The following ADGRL2 variants were observed in gnomAD, a reference collection of about 807,000 sequenced individuals.
The protein encoded by ADGRL2 is calcium-independent alpha-latrotoxin receptor 2.
Under a neutral mutation model 157.4 loss-of-function variants are expected in ADGRL2, and 44 were observed. The ratio of observed to expected loss-of-function variants is 0.28; its 90% CI spans 0.22 to 0.36. The LOEUF (loss-of-function observed/expected upper bound fraction) is 0.36, where lower values mean the gene tolerates loss of function less well. ADGRL2 is among the 10% of genes least tolerant of loss of function. The pLI, the probability that ADGRL2 is intolerant of heterozygous loss-of-function variation, is 1.00. For missense variants in ADGRL2, 1,510 were observed against 1,768.9 expected, an observed-to-expected ratio of 0.85 and a Z score of 2.63; for synonymous variants, 585 against 624.7, an observed-to-expected ratio of 0.94 and a Z score of 0.95.
At chr1:81,616,669 C>CTT (rs1304177259) in intron 3 of ADGRL2, among the ~76,000 whole-genome samples, 1 of 103,780 alleles carries the variant, frequency 9.6e-6, no homozygotes, top group Admixed American at 1.0e-4. Flanking sequence ...CTTTTCTTTT[C>CTT]TTTTCTTTTC....
chr1:81,580,942 T>C (rs2080895086), exon 3 of ADGRL2: 1 of 152,192 alleles, frequency 6.6e-6, no homozygotes, highest in Non-Finnish European at 1.5e-5. Context: ...GTCCTTATGC[T>C]TTACAAAACA....
intron 2 of ADGRL2, among the ~76,000 whole-genome samples, chr1:81,866,062 C>T (rs2093534402): frequency 2.0e-5 from 3 of 152,184 alleles, no homozygotes; most frequent in Admixed American, 1.3e-4. Flanking sequence ...ATCGAACCTT[C>T]CTTTCTCAAG....
In ADGRL2 at chr1:81,943,242, A is replaced by G; in HGVS notation, c.683A>G (p.Glu228Gly). The G allele has an allele frequency of 6.2e-7, 1 of 1,613,658 alleles. No homozygotes were observed. The highest frequency in any genetic ancestry group is 8.5e-7 in the Non-Finnish European group (1 of 1,179,686). Residue 228 changes from glutamate to glycine, a missense_variant, in exon 6 of 24, where the codon GAA becomes GGA. By Grantham distance (98) the Glu-to-Gly change is moderately conservative. Coordinates refer to ENST00000686636, the MANE Select transcript of ADGRL2 (RefSeq NM_001366006.2). This position sits in a 1 kb window ranked among gnomAD's most constrained non-coding sequence, Gnocchi z 5.6. ...GATGGTGCTGTCTTCTTTAACAAAGAAAGAACGAGGAATATTGTGAAATTT... is the reference window on the plus strand; with the variant it reads ...GATGGTGCTGTCTTCTTTAACAAAGGAAGAACGAGGAATATTGTGAAATTT... ...VYDGAVFFNK[E>G]RTRNIVKFDL...
intron 2 of ADGRL2, among the ~76,000 whole-genome samples, chr1:81,896,003 GAATA>G (rs1440404676): frequency 1.3e-5 from 2 of 152,006 alleles, no homozygotes; most frequent in Non-Finnish European, 2.9e-5. Context: ...TTATTTTTAA[GAATA>G]AATACATACT....
At position 81,420,002 on chromosome 1, in the gene ADGRL2, T is replaced by C. The variant is rs183662449; in HGVS notation, c.-301-25034T>C. 7.2e-3 allele frequency among the ~76,000 whole-genome samples: 1,095 copies of C among 152,334 alleles called. 25 individuals are homozygous for C. Among genetic ancestry groups the C allele is most frequent in the Admixed American group, 0.042 (645 of 15,300 alleles). On this transcript the variant is annotated intron_variant, in intron 1 of 24. Coordinates refer to the ADGRL2 transcript ENST00000370721. ...TTGTTGTCCAGCAAGCTTGTAATTG[T>C]AATGAAAGTTGATAATCTTTCTTTT... is the stretch of plus-strand genomic sequence containing the variant.
intron 2 of ADGRL2, among the ~76,000 whole-genome samples, chr1:81,904,659 C>T (rs1226106600): frequency 1.3e-5 from 2 of 152,176 alleles, no homozygotes; most frequent in Admixed American, 6.5e-5. Context: ...CCTGTAACCA[C>T]AGCACTTTGG....
chr1:81,610,799 G>A lies in ADGRL2; in HGVS notation c.-143+29819G>A, dbSNP rs577215158. 2.6e-5 allele frequency among the ~76,000 whole-genome samples: 4 copies of A among 152,262 alleles called. No homozygotes were observed. The South Asian group carries it at 6.2e-4, about 24-fold the overall frequency. ...CATAGAGCCAATAGAACTTAGAGAT[G>A]AAAAGAAATTAGGAGGCAGAATGAA... On this transcript the variant is annotated intron_variant, in intron 3 of 24. Coordinates refer to the ADGRL2 transcript ENST00000370721.
At chr1:81,765,042 T>C (rs2086065197) in intron 2 of ADGRL2, among the ~76,000 whole-genome samples, 2 of 151,994 alleles carry the variant, frequency 1.3e-5, no homozygotes, top group African/African-American at 4.8e-5. Flanking sequence ...TAATATTCCT[T>C]CTATATTACT....
chr1:81,491,983 A>C (rs2078642605), intron 2 of ADGRL2, among the ~76,000 whole-genome samples: 2 of 152,222 alleles, frequency 1.3e-5, no homozygotes, highest in South Asian at 4.1e-4. Context: ...ACAAAGAATG[A>C]AACTGAGTCT....
At chr1:81,622,110 A>G (rs2081804970) in intron 3 of ADGRL2, among the ~76,000 whole-genome samples, 1 of 152,214 alleles carries the variant, frequency 6.6e-6, no homozygotes. Context: ...TTTTTTAATG[A>G]TAACTTTTTT....
At chr1:81,583,662 T>A (rs1024724568) in intron 3 of ADGRL2, among the ~76,000 whole-genome samples, 2 of 152,074 alleles carry the variant, frequency 1.3e-5, no homozygotes, top group Admixed American at 6.6e-5. Context: ...ATTTTTTACA[T>A]ATGTTGTGTC....
At chr1:81,314,834 A>C (rs1659997918) in intron 1 of ADGRL2, among the ~76,000 whole-genome samples, 1 of 152,332 alleles carries the variant, frequency 6.6e-6, no homozygotes. Context: ...TCTGAAAAAT[A>C]ATCTTGTCTG....
At chr1:81,602,599 CA>C (rs2081354840) in intron 3 of ADGRL2, among the ~76,000 whole-genome samples, 1 of 143,310 alleles carries the variant, frequency 7.0e-6, no homozygotes, top group Admixed American at 6.9e-5. Flanking sequence ...CTCAAAAAAA[CA>C]AAAAATACAA....
intron 2 of ADGRL2, among the ~76,000 whole-genome samples, chr1:81,870,069 G>A (rs969150302): frequency 5.3e-5 from 8 of 151,808 alleles, no homozygotes; most frequent in African/African-American, 1.5e-4. Context: ...CCAATTATTC[G>A]GGTTAAGTTT....
chr1:81,989,115 G>A (rs1043842092), intron 23 of ADGRL2, among the ~76,000 whole-genome samples: 4 of 151,126 alleles, frequency 2.6e-5, no homozygotes, highest in African/African-American at 9.8e-5. Context: ...ACATGTTTAT[G>A]TGTCTGTAGA....
chr1:81,404,699 A>T (rs2076822443), intron 1 of ADGRL2, among the ~76,000 whole-genome samples: 1 of 152,180 alleles, frequency 6.6e-6, no homozygotes, highest in African/African-American at 2.4e-5. Flanking sequence ...GTGAATAGTC[A>T]TTTCAAATTT....
At chr1:81,502,455 T>C (rs1198704849) in intron 2 of ADGRL2, 5 of 1,613,864 alleles carry the variant, frequency 3.1e-6, no homozygotes, top group Non-Finnish European at 4.2e-6. Context: ...CTGGATGACC[T>C]CTTCGTCTTT....
At chr1:81,860,655 G>A (rs2093359834) in intron 2 of ADGRL2, among the ~76,000 whole-genome samples, 5 of 152,128 alleles carry the variant, frequency 3.3e-5, no homozygotes, top group Admixed American at 3.3e-4. Flanking sequence ...CAAGATTTGG[G>A]ATTTTGGATT....
intron 3 of ADGRL2, among the ~76,000 whole-genome samples, chr1:81,925,323 C>A (rs1211794051): frequency 6.6e-6 from 1 of 151,874 alleles, no homozygotes; most frequent in Non-Finnish European, 1.5e-5. Flanking sequence ...TTATTCCCTT[C>A]TACACAAAAT....
Sources: allele counts gnomAD v4.1 joint callset (sites outside exome capture counted in the v4.1 genomes callset), GRCh38; gene constraint gnomAD v4.1.1; non-coding constraint Gnocchi (gnomAD v3.1); transcripts MANE v1.5; gene names NCBI Gene and HGNC (gene_info 2026-07-23, HGNC 2026-07-21).